The following RALGAPA1 variants were observed in gnomAD, a reference collection of about 807,000 sequenced individuals.
RALGAPA1 encodes the protein Ral GTPase activating protein catalytic subunit alpha 1, also known as ral GTPase-activating protein subunit alpha-1.
A neutral mutation model predicts 269.6 loss-of-function variants in RALGAPA1; 52 were observed. The observed-to-expected ratio is 0.19, with a 90% CI of 0.15 to 0.24. The LOEUF (loss-of-function observed/expected upper bound fraction) is 0.24. Among genes scored for constraint, RALGAPA1 ranks in the 10% least tolerant of loss-of-function variants. The probability of loss-of-function intolerance (pLI) is 1.00; values close to 1 mark genes in which losing one functional copy is unlikely to be tolerated. For missense variants in RALGAPA1, 1,917 were observed against 3,013.9 expected, an observed-to-expected ratio of 0.64 and a Z score of 8.52; for synonymous variants, 817 against 1,008.3, an observed-to-expected ratio of 0.81 and a Z score of 3.60.
chr14:35,639,258 ACTGGAGCACC>A (rs533252545), intron 31 of RALGAPA1, among the ~76,000 whole-genome samples: 3 of 152,346 alleles, frequency 2.0e-5, no homozygotes, highest in African/African-American at 7.2e-5. Context: ...TGCACTCAAC[ACTGGAGCACC>A]CTGATATATA....
At chr14:35,704,107 T>C (rs572271486) in intron 16 of RALGAPA1, among the ~76,000 whole-genome samples, 89 of 152,314 alleles carry the variant, frequency 5.8e-4, no homozygotes, top group South Asian at 2.1e-3. Flanking sequence ...TTCCTATCCA[T>C]TGGCAGAAAT....
At chr14:35,802,922 A>G (rs2077085760) in intron 1 of RALGAPA1, among the ~76,000 whole-genome samples, 1 of 151,992 alleles carries the variant, frequency 6.6e-6, no homozygotes, top group Non-Finnish European at 1.5e-5. Flanking sequence ...TCCTGGGCTC[A>G]AGCAATCTGC....
chr14:35,559,061 C>G (rs900843720), intron 39 of RALGAPA1, among the ~76,000 whole-genome samples: 2 of 152,066 alleles, frequency 1.3e-5, no homozygotes, highest in Admixed American at 6.6e-5. Context: ...AAAACTGAAC[C>G]TTCTTTACAA....
chr14:35,733,354 G>A (rs1174920664), intron 12 of RALGAPA1, among the ~76,000 whole-genome samples: 1 of 152,116 alleles, frequency 6.6e-6, no homozygotes, highest in East Asian at 1.9e-4. Context: ...GTGCATGCCT[G>A]TAATCCCAGC....
At chr14:35,607,867 T>C (rs1234552915) in intron 35 of RALGAPA1, among the ~76,000 whole-genome samples, 1 of 152,108 alleles carries the variant, frequency 6.6e-6, no homozygotes, top group Non-Finnish European at 1.5e-5. Flanking sequence ...GGGATCACAG[T>C]CAATTTTGGA....
intron 4 of RALGAPA1, among the ~76,000 whole-genome samples, chr14:35,769,035 A>AAT (rs200538547): frequency 0.011 from 656 of 58,272 alleles, 2 homozygotes; most frequent in South Asian, 0.013. Context: ...AAAAAAAAAA[A>AAT]ATATATATAT....
chr14:35,748,430 C>T, intron 10 of RALGAPA1, 155 bp downstream of exon 10: 2 of 807,936 alleles, frequency 2.5e-6, no homozygotes, highest in Non-Finnish European at 3.4e-6. Flanking sequence ...TCCAAAGTGG[C>T]CTCAAACTCC....
chr14:35,576,851 C>T (rs1190224603), intron 37 of RALGAPA1, among the ~76,000 whole-genome samples: 1 of 152,138 alleles, frequency 6.6e-6, no homozygotes. Context: ...CTGTAACCAC[C>T]TCCCTATATT....
At chr14:35,748,865 A>G (rs746992378) in intron 9 of RALGAPA1, 41 bp from the exon 10 acceptor site, 12 of 1,537,504 alleles carry the variant, frequency 7.8e-6, no homozygotes, top group Non-Finnish European at 9.5e-6. Flanking sequence ...AAACAATATC[A>G]TAATCATTTA....
intron 1 of RALGAPA1, among the ~76,000 whole-genome samples, chr14:35,794,605 C>T (rs1045148717): frequency 9.9e-5 from 15 of 152,208 alleles, no homozygotes; most frequent in South Asian, 4.1e-4. Flanking sequence ...TACAGGCGCC[C>T]GCCACGGCGC....
At chr14:35,612,480 A>T (rs947772526) in intron 35 of RALGAPA1, among the ~76,000 whole-genome samples, 2 of 151,822 alleles carry the variant, frequency 1.3e-5, no homozygotes, top group East Asian at 3.8e-4. Flanking sequence ...ACTCATTAAA[A>T]CAAAAAATAA....
intron 4 of RALGAPA1, among the ~76,000 whole-genome samples, chr14:35,770,307 AT>A (rs1156259879): frequency 6.6e-6 from 1 of 152,176 alleles, no homozygotes; most frequent in Non-Finnish European, 1.5e-5. Flanking sequence ...TACAGCTAAA[AT>A]CACATATAAT....
intron 18 of RALGAPA1, among the ~76,000 whole-genome samples, chr14:35,687,117 T>C (rs546354737): frequency 6.6e-6 from 1 of 152,330 alleles, no homozygotes; most frequent in African/African-American, 2.4e-5. Context: ...ACAAATTCTA[T>C]GGTTTTGATA....
rs2066269580 is a variant in RALGAPA1 at position 35,689,291 on chromosome 14, T to C, written c.3120A>G (p.Leu1040=). 8.1e-7 allele frequency: 1 copy of C among 1,232,372 alleles called. No homozygotes were observed. Among genetic ancestry groups the C allele is most frequent in the Non-Finnish European group, 1.0e-6 (1 of 988,128 alleles). 76.3% of individuals were successfully genotyped at this position (1,232,372 alleles called of 1,614,324 possible). The stretch of plus-strand genomic sequence containing the variant: ...GCTCTGATGGCTGTTTATCAGTGTT[T>C]AGTTGCTTAGATTTTTCAGAAGTTT... ...RTQTSEKSKQ[L]NTDKQPSEPS... is the part of the protein sequence containing the mutation. Residue 1040 remains leucine, a synonymous_variant, in exon 18 of 42, where the codon CTA becomes CTG. Coordinates refer to ENST00000680220, the MANE Select transcript of RALGAPA1 (RefSeq NM_001346249.2).
At chr14:35,574,882 T>C (rs1333153414) in intron 37 of RALGAPA1, among the ~76,000 whole-genome samples, 2 of 152,118 alleles carry the variant, frequency 1.3e-5, no homozygotes, top group African/African-American at 4.8e-5. Context: ...ATCCGAGCAC[T>C]CTGGGAGGCT....
chr14:35,748,961 C>A, intron 9 of RALGAPA1, 137 bp from the exon 10 acceptor site: 1 of 1,330,922 alleles, frequency 7.5e-7, no homozygotes, highest in Non-Finnish European at 9.8e-7. Flanking sequence ...AAACTCCGGG[C>A]ATAGAGTTTC....
At chr14:35,732,042 A>G (rs1050199621) in intron 12 of RALGAPA1, among the ~76,000 whole-genome samples, 1 of 152,234 alleles carries the variant, frequency 6.6e-6, no homozygotes, top group African/African-American at 2.4e-5. Context: ...ATTTTTCAGC[A>G]GAAACCCTAC....
intron 11 of RALGAPA1, among the ~76,000 whole-genome samples, chr14:35,739,490 C>A (rs141482585): frequency 2.0e-5 from 3 of 152,226 alleles, no homozygotes; most frequent in African/African-American, 7.2e-5. Context: ...GAATGACCCA[C>A]AAGCATCTCA....
chr14:35,749,754 A>G (rs185747320), intron 9 of RALGAPA1, among the ~76,000 whole-genome samples: 262 of 152,260 alleles, frequency 1.7e-3, no homozygotes, highest in African/African-American at 5.5e-3. Context: ...AAGAGGAATA[A>G]AAGTCAAATT....
Sources: allele counts gnomAD v4.1 joint callset (sites outside exome capture counted in the v4.1 genomes callset), GRCh38; gene constraint gnomAD v4.1.1; transcripts MANE v1.5; gene names NCBI Gene and HGNC (gene_info 2026-07-23, HGNC 2026-07-21).